Variants in PPARGC1A observed in about 807,000 individuals in gnomAD.
PPARGC1A encodes the protein peroxisome proliferator-activated receptor gamma coactivator 1-alpha.
PPARGC1A carries 25 observed loss-of-function variants against 88.7 expected under a neutral mutation model. That is an observed-to-expected ratio of 0.28 (90% CI 0.21 to 0.39). The LOEUF (loss-of-function observed/expected upper bound fraction) is 0.39. Among genes scored for constraint, PPARGC1A ranks in the 10% least tolerant of loss-of-function variants. The pLI is 1.00. For synonymous variants in PPARGC1A, 363 were observed against 355.6 expected (o/e 1.02, Z -0.24); for missense variants, 880 against 968.7 (o/e 0.91, Z 1.22).
chr4:24,221,195 C>T, the PPARGC1A span, among the ~76,000 whole-genome samples: 15 of 152,090 alleles, frequency 9.9e-5, no homozygotes, highest in South Asian at 1.2e-3. Flanking sequence ...TGTTTCCCTC[C>T]GAAGAGTTCT....
chr4:24,271,763 C>G, the PPARGC1A span, among the ~76,000 whole-genome samples: 1 of 152,124 alleles, frequency 6.6e-6, no homozygotes, highest in African/African-American at 2.4e-5. Context: ...AAATGGAAAA[C>G]ATAGTAGTAC....
At chr4:24,075,932 C>T in the PPARGC1A span, among the ~76,000 whole-genome samples, 1 of 152,132 alleles carries the variant, frequency 6.6e-6, no homozygotes, top group African/African-American at 2.4e-5. Flanking sequence ...AGCTTGGAGA[C>T]ACCATAAGAC....
chr4:24,172,172 A>G, the PPARGC1A span, among the ~76,000 whole-genome samples: 15 of 152,224 alleles, frequency 9.9e-5, no homozygotes, highest in Non-Finnish European at 2.1e-4. Context: ...ATAGCACAGT[A>G]TCACAGCAGG....
chr4:24,156,496 G>A, the PPARGC1A span, among the ~76,000 whole-genome samples: 2 of 152,100 alleles, frequency 1.3e-5, no homozygotes, highest in African/African-American at 4.8e-5. Context: ...AAGGGGTGGA[G>A]AAGATCAATC....
chr4:24,295,926 G>C, the PPARGC1A span, among the ~76,000 whole-genome samples: 2 of 150,624 alleles, frequency 1.3e-5, no homozygotes, highest in South Asian at 4.2e-4. Flanking sequence ...CATTTAATCT[G>C]CACATCTCTG....
At chr4:24,015,790 C>A in the PPARGC1A span, among the ~76,000 whole-genome samples, 1 of 152,094 alleles carries the variant, frequency 6.6e-6, no homozygotes, top group African/African-American at 2.4e-5. Context: ...GAAAGCCTTG[C>A]CCAAAGCAGA....
the PPARGC1A span, among the ~76,000 whole-genome samples, chr4:24,472,624 G>T: frequency 6.6e-6 from 1 of 152,146 alleles, no homozygotes; most frequent in Non-Finnish European, 1.5e-5. This position sits in a 1 kb window ranked among gnomAD's most constrained non-coding sequence, Gnocchi z 4.5. Flanking sequence ...GGAAACTCTC[G>T]GCGGTGCTCC....
the PPARGC1A span, among the ~76,000 whole-genome samples, chr4:24,398,176 G>T: frequency 1.3e-5 from 2 of 152,112 alleles, no homozygotes; most frequent in Admixed American, 6.5e-5. Flanking sequence ...GATGGGAAAT[G>T]ATTATTATAT....
At chr4:24,265,755 A>G in the PPARGC1A span, among the ~76,000 whole-genome samples, 2 of 152,084 alleles carry the variant, frequency 1.3e-5, no homozygotes, top group African/African-American at 2.4e-5. Context: ...CAAAGAGAAA[A>G]CTAGGGCGAA....
At chr4:23,946,584 T>C in the PPARGC1A span, among the ~76,000 whole-genome samples, 1 of 152,006 alleles carries the variant, frequency 6.6e-6, no homozygotes, top group Non-Finnish European at 1.5e-5. Context: ...GACAGTAGAA[T>C]AATATTAGTA....
chr4:24,278,205 C>T, the PPARGC1A span, among the ~76,000 whole-genome samples: 8 of 151,918 alleles, frequency 5.3e-5, no homozygotes, highest in East Asian at 1.2e-3. Context: ...TAAAATAAGA[C>T]GAAAAATTTA....
chr4:23,807,335 G>A (rs1051784919), intron 10 of PPARGC1A, among the ~76,000 whole-genome samples: 2 of 152,056 alleles, frequency 1.3e-5, no homozygotes, highest in Non-Finnish European at 2.9e-5. Context: ...ACTACTAGGG[G>A]GTGTTCTTAG....
chr4:24,233,445 AT>A, the PPARGC1A span, among the ~76,000 whole-genome samples: 2 of 152,058 alleles, frequency 1.3e-5, no homozygotes, highest in Non-Finnish European at 1.5e-5. Flanking sequence ...ACACCGTCCC[AT>A]TGAAATGGCA....
intron 10 of PPARGC1A, among the ~76,000 whole-genome samples, chr4:23,810,355 G>C (rs1177900853): frequency 4.2e-5 from 5 of 117,796 alleles, no homozygotes; most frequent in African/African-American, 1.6e-4. Flanking sequence ...CTTTGGAAGA[G>C]AACTGATACA....
At chr4:24,259,248 A>C in the PPARGC1A span, among the ~76,000 whole-genome samples, 1 of 152,148 alleles carries the variant, frequency 6.6e-6, no homozygotes. Context: ...GAGGGTCACA[A>C]TCTCTCACTG....
At chr4:24,434,140 A>T in the PPARGC1A span, among the ~76,000 whole-genome samples, 1 of 152,250 alleles carries the variant, frequency 6.6e-6, no homozygotes, top group Non-Finnish European at 1.5e-5. Context: ...AGAAGGAAGC[A>T]TTTAAACTAA....
the PPARGC1A span, among the ~76,000 whole-genome samples, chr4:24,312,608 T>TG: frequency 9.1e-4 from 81 of 88,912 alleles, 2 homozygotes; most frequent in South Asian, 9.0e-3. Context: ...AAATGTGGGG[T>TG]GGGGGGGAAA....
chr4:24,232,544 A>G, the PPARGC1A span, among the ~76,000 whole-genome samples: 1 of 152,260 alleles, frequency 6.6e-6, no homozygotes, highest in Non-Finnish European at 1.5e-5. Flanking sequence ...TATCACGGGA[A>G]CAATCATAAA....
chr4:24,203,226 C>G, the PPARGC1A span, among the ~76,000 whole-genome samples: 2 of 152,154 alleles, frequency 1.3e-5, no homozygotes, highest in Non-Finnish European at 2.9e-5. Flanking sequence ...GCACAGAAAA[C>G]CTTCTGCAGT....
Sources: gnomAD v4.1 joint callset for allele counts (sites outside exome capture counted in the v4.1 genomes callset) on GRCh38, gnomAD v4.1.1 for gene constraint, Gnocchi (gnomAD v3.1) non-coding constraint, MANE v1.5 for transcripts, NCBI Gene and HGNC (gene_info 2026-07-23, HGNC 2026-07-21) for gene names.